Variants in COL4A6 observed in about 807,000 individuals in gnomAD.
COL4A6 encodes the protein collagen type IV alpha 6 chain.
In COL4A6, 59 loss-of-function variants were observed where a neutral mutation model predicts 126.7. The ratio of observed to expected loss-of-function variants is 0.47; its 90% CI spans 0.38 to 0.58. The LOEUF (loss-of-function observed/expected upper bound fraction) is 0.58. COL4A6 is among the 20% of genes least tolerant of loss of function. The pLI is 0.00. For missense variants in COL4A6, 1,285 were observed against 1,337.3 expected (o/e 0.96, Z 0.61); for synonymous variants, 547 against 496.6 (o/e 1.10, Z -1.35).
chrX:108,420,387 T>A (rs1040596476), intron 2 of COL4A6, among the ~76,000 whole-genome samples: 8 of 111,503 alleles, frequency 7.2e-5, no homozygotes, highest in Non-Finnish European at 1.9e-5. Context: ...TATGGACACG[T>A]AGCATAAACA....
chrX:108,158,621 A>C (rs2033815167), intron 44 of COL4A6, among the ~76,000 whole-genome samples: 1 of 112,119 alleles, frequency 8.9e-6, no homozygotes, highest in Non-Finnish European at 1.9e-5. Context: ...CCAATGTCCA[A>C]AGACACAGCA....
At chrX:108,349,019 A>G (rs2039779778) in intron 2 of COL4A6, among the ~76,000 whole-genome samples, 1 of 111,265 alleles carries the variant, frequency 9.0e-6, no homozygotes. Flanking sequence ...CATGACATGG[A>G]TAAGTTGAAA....
At chrX:108,170,565 G>T in intron 35 of COL4A6, 44 bp downstream of exon 35, 1 of 1,057,028 alleles carries the variant, frequency 9.5e-7, no homozygotes, top group Non-Finnish European at 1.3e-6. Flanking sequence ...GTCCTTCATC[G>T]AGGGAAAGAC....
At chrX:108,306,168 T>C (rs927099268) in intron 3 of COL4A6, among the ~76,000 whole-genome samples, 1 of 111,505 alleles carries the variant, frequency 9.0e-6, no homozygotes, top group Non-Finnish European at 1.9e-5. Context: ...GAGAAGAAGG[T>C]GTCTTATATA....
intron 7 of COL4A6, among the ~76,000 whole-genome samples, chrX:108,210,325 T>G (rs749401386): frequency 1.8e-5 from 2 of 112,350 alleles, no homozygotes; most frequent in Non-Finnish European, 3.8e-5. Flanking sequence ...GGGCTAGTGA[T>G]TTTCCTACTC....
intron 2 of COL4A6, among the ~76,000 whole-genome samples, chrX:108,429,803 T>G (rs1380741571): frequency 1.8e-5 from 2 of 112,199 alleles, no homozygotes; most frequent in African/African-American, 6.5e-5. Flanking sequence ...CTAGAGTGCT[T>G]TCTCTTAAAC....
chrX:108,267,259 C>A (rs1398341321), intron 3 of COL4A6, among the ~76,000 whole-genome samples: 1 of 112,310 alleles, frequency 8.9e-6, no homozygotes, highest in African/African-American at 3.2e-5. Flanking sequence ...CTTGTGATTA[C>A]ATTGGGACCA....
At chrX:108,173,696 T>C (rs2034388913) in intron 31 of COL4A6, among the ~76,000 whole-genome samples, 1 of 112,491 alleles carries the variant, frequency 8.9e-6, no homozygotes, top group Admixed American at 9.4e-5. Context: ...CCCTCCCTAC[T>C]GTCTGAAGGC....
intron 3 of COL4A6, among the ~76,000 whole-genome samples, chrX:108,279,076 T>A (rs919462209): frequency 8.9e-6 from 1 of 111,867 alleles, no homozygotes; most frequent in African/African-American, 3.3e-5. Context: ...AGGAAGAAAC[T>A]GCATCAACTA....
At chrX:108,264,918 A>C (rs1458307598) in intron 3 of COL4A6, among the ~76,000 whole-genome samples, 1 of 111,858 alleles carries the variant, frequency 8.9e-6, no homozygotes, top group East Asian at 2.8e-4. Context: ...TGGAGGCAGA[A>C]TATGTTGAAT....
intron 2 of COL4A6, among the ~76,000 whole-genome samples, chrX:108,381,368 C>T (rs1486280606): frequency 8.9e-6 from 1 of 111,946 alleles, no homozygotes; most frequent in Non-Finnish European, 1.9e-5. Context: ...TAGCCAGATT[C>T]TAGCATACTG....
chrX:108,239,047 C>T (rs1178337875), intron 3 of COL4A6, among the ~76,000 whole-genome samples: 1 of 112,068 alleles, frequency 8.9e-6, no homozygotes, highest in African/African-American at 3.2e-5. Context: ...ACAATTGTGT[C>T]TTCTGCCTTT....
chrX:108,427,452 TC>T (rs2064106997), intron 2 of COL4A6, among the ~76,000 whole-genome samples: 2 of 111,662 alleles, frequency 1.8e-5, no homozygotes, highest in South Asian at 7.6e-4. Context: ...GAACAATATG[TC>T]CATCTGTAGA....
At chrX:108,361,121 A>G (rs2040076241) in intron 2 of COL4A6, among the ~76,000 whole-genome samples, 1 of 111,356 alleles carries the variant, frequency 9.0e-6, no homozygotes, top group Non-Finnish European at 1.9e-5. Context: ...GCAATATTTA[A>G]TTATTCTTCT....
At chrX:108,226,032 T>C (rs887008931) in intron 3 of COL4A6, among the ~76,000 whole-genome samples, 4 of 112,113 alleles carry the variant, frequency 3.6e-5, no homozygotes, top group African/African-American at 9.7e-5. Flanking sequence ...AAGGATCCAG[T>C]TGTATTGTAG....
intron 2 of COL4A6, among the ~76,000 whole-genome samples, chrX:108,377,958 A>T (rs2040480312): frequency 9.4e-6 from 1 of 106,552 alleles, no homozygotes; most frequent in African/African-American, 3.4e-5. Flanking sequence ...AAAAAAAAAA[A>T]AAAAAAAAAA....
intron 2 of COL4A6, among the ~76,000 whole-genome samples, chrX:108,400,346 G>C (rs2041059270): frequency 9.0e-6 from 1 of 110,999 alleles, no homozygotes; most frequent in Admixed American, 9.6e-5. Context: ...ATCACATAAA[G>C]ATGGTACTAT....
rs780080257 is a variant in COL4A6, at chrX:108,321,039, A to C, written c.64-10211T>G. 4.5e-5 allele frequency among the ~76,000 whole-genome samples: 5 copies of C among 112,060 alleles called. No homozygotes were observed. In the South Asian group the frequency reaches 1.9e-3, roughly 42 times the overall value. ...AAGCCTCAATTTCCTGCACTATAAA[A>C]TAGGGATATTTTACTTTATAGGGTT... On this transcript the variant is annotated intron_variant, in intron 2 of 44. Transcript: ENST00000334504.
intron 3 of COL4A6, among the ~76,000 whole-genome samples, chrX:108,306,425 G>A (rs2038627676): frequency 9.0e-6 from 1 of 111,498 alleles, no homozygotes; most frequent in Admixed American, 9.5e-5. Context: ...AGACATTGGT[G>A]TGTGTTGTAG....
Sources: allele counts gnomAD v4.1 joint callset (sites outside exome capture counted in the v4.1 genomes callset), GRCh38; gene constraint gnomAD v4.1.1; transcripts MANE v1.5; gene names NCBI Gene and HGNC (gene_info 2026-07-23, HGNC 2026-07-21).